The following LHFPL3 variants were observed in gnomAD, a reference collection of about 807,000 sequenced individuals.
LHFPL3 encodes the protein LHFPL tetraspan subfamily member 3 protein.
A neutral mutation model predicts 19.3 loss-of-function variants in LHFPL3; 5 were observed. That is an observed-to-expected ratio of 0.26 (90% CI 0.14 to 0.54). LHFPL3 has a LOEUF of 0.54. LHFPL3 is among the 20% of genes least tolerant of loss of function. LHFPL3 has a pLI of 0.94. For synonymous variants in LHFPL3, 133 were observed against 126.2 expected (o/e 1.05, Z -0.36); for missense variants, 249 against 307.4 (o/e 0.81, Z 1.42).
At chr7:104,491,331 T>A (rs1312932277) in intron 1 of LHFPL3, among the ~76,000 whole-genome samples, 1 of 152,064 alleles carries the variant, frequency 6.6e-6, no homozygotes, top group Non-Finnish European at 1.5e-5. Context: ...TATAGGTGTG[T>A]TCCCCCTCCC....
rs544082654 is a variant in LHFPL3, at chr7:104,329,141, C to T, written c.362C>T (p.Ala121Val). Residue 121 changes from alanine to valine, a missense_variant, in exon 1 of 3, where the codon GCC (alanine) becomes GTC (valine). Ala to Val is a moderately conservative substitution (Grantham distance 64, BLOSUM62 0). Transcript: ENST00000424859. Reference protein sequence around the residue: ...FIGLSMMLIIACIICFTLFFF... With the variant: ...FIGLSMMLIIVCIICFTLFFF... ...GGCCTCTCCATGATGCTCATCATTG[C>T]CTGCATCATTTGCTTTACCCTCTTC... is the stretch of plus-strand genomic sequence containing the variant. 6.2e-6 allele frequency: 10 copies of T among 1,614,062 alleles called. No homozygotes were observed. In the South Asian group the frequency reaches 6.6e-5, roughly 11 times the overall value.
intron 1 of LHFPL3, among the ~76,000 whole-genome samples, chr7:104,497,309 GAAAA>G (rs34908934): frequency 1.0e-5 from 1 of 96,690 alleles, no homozygotes; most frequent in Non-Finnish European, 2.3e-5. Context: ...TTGAGAAAAG[GAAAA>G]AAAAAAAAAA....
At chr7:104,838,647 C>T (rs1409537898) in intron 2 of LHFPL3, among the ~76,000 whole-genome samples, 2 of 152,174 alleles carry the variant, frequency 1.3e-5, no homozygotes, top group African/African-American at 4.8e-5. Context: ...AAAGCAGCAC[C>T]GTCTTGCAAA....
At chr7:104,401,082 G>C (rs973646340) in intron 1 of LHFPL3, among the ~76,000 whole-genome samples, 2 of 152,184 alleles carry the variant, frequency 1.3e-5, no homozygotes, top group African/African-American at 4.8e-5. Context: ...CTGGCCCTGG[G>C]GGTGGCTCTT....
intron 2 of LHFPL3, among the ~76,000 whole-genome samples, chr7:104,765,713 G>C (rs1794445745): frequency 6.6e-6 from 1 of 152,224 alleles, no homozygotes; most frequent in Non-Finnish European, 1.5e-5. Flanking sequence ...TTTCTCCCAT[G>C]ATGACCTTGT....
chr7:104,844,257 G>T (rs899354912), intron 2 of LHFPL3, among the ~76,000 whole-genome samples: 1 of 152,238 alleles, frequency 6.6e-6, no homozygotes, highest in Non-Finnish European at 1.5e-5. Context: ...CCTTTCAGCA[G>T]TTCTCTGTGA....
At chr7:104,811,180 C>T (rs1002359688) in intron 2 of LHFPL3, among the ~76,000 whole-genome samples, 21 of 139,588 alleles carry the variant, frequency 1.5e-4, no homozygotes, top group Non-Finnish European at 2.2e-4. Flanking sequence ...CTTTTCTTTT[C>T]TTTTCTTTTC....
chr7:104,335,637 C>T (rs1056376773), intron 1 of LHFPL3, among the ~76,000 whole-genome samples: 1 of 151,806 alleles, frequency 6.6e-6, no homozygotes, highest in African/African-American at 2.4e-5. Flanking sequence ...AACAAGTTTC[C>T]CACTGTAAAA....
intron 1 of LHFPL3, among the ~76,000 whole-genome samples, chr7:104,470,774 T>C (rs6970790): frequency 0.089 from 13,497 of 152,222 alleles, 941 homozygotes; most frequent in African/African-American, 0.2. Context: ...CATGACTACA[T>C]GTAGGAGCCT....
chr7:104,510,498 A>C (rs1793788913), intron 1 of LHFPL3, among the ~76,000 whole-genome samples: 1 of 152,264 alleles, frequency 6.6e-6, no homozygotes, highest in Admixed American at 6.5e-5. Context: ...TAGGCATAAA[A>C]ATGAATCTTG....
chr7:104,724,630 G>A (rs1301693528), intron 1 of LHFPL3, among the ~76,000 whole-genome samples: 1 of 152,160 alleles, frequency 6.6e-6, no homozygotes, highest in African/African-American at 2.4e-5. Flanking sequence ...GGAGGAGGGA[G>A]AAGACCAGGA....
intron 2 of LHFPL3, among the ~76,000 whole-genome samples, chr7:104,860,568 C>G (rs180811877): frequency 6.6e-6 from 1 of 152,330 alleles, no homozygotes; most frequent in African/African-American, 2.4e-5. Context: ...CATACTACCC[C>G]CATCTTGCAG....
At chr7:104,830,300 T>G (rs1006636779) in intron 2 of LHFPL3, among the ~76,000 whole-genome samples, 3 of 151,928 alleles carry the variant, frequency 2.0e-5, no homozygotes, top group African/African-American at 7.3e-5. Flanking sequence ...ACTCTGATGG[T>G]AGTTTCTTTT....
At chr7:104,787,166 C>T (rs966015120) in intron 2 of LHFPL3, among the ~76,000 whole-genome samples, 1 of 152,206 alleles carries the variant, frequency 6.6e-6, no homozygotes, top group Non-Finnish European at 1.5e-5. Flanking sequence ...ACTGAAGCCC[C>T]ATGTTATTCA....
chr7:104,637,791 G>T (rs1434865073), intron 1 of LHFPL3, among the ~76,000 whole-genome samples: 2 of 132,454 alleles, frequency 1.5e-5, no homozygotes, highest in African/African-American at 5.6e-5. Flanking sequence ...TAGCCCTTTA[G>T]TATAGTTTGA....
chr7:104,674,374 T>G (rs1455124488), intron 1 of LHFPL3, among the ~76,000 whole-genome samples: 1 of 133,916 alleles, frequency 7.5e-6, no homozygotes, highest in Non-Finnish European at 1.6e-5. Context: ...TTCTTTTTCT[T>G]TTTTTTTTTT....
chr7:104,343,035 A>G (rs767925595), intron 1 of LHFPL3, among the ~76,000 whole-genome samples: 5 of 151,394 alleles, frequency 3.3e-5, no homozygotes, highest in Non-Finnish European at 5.9e-5. Context: ...AAAACCAAAC[A>G]AATGATTGTG....
intron 2 of LHFPL3, among the ~76,000 whole-genome samples, chr7:104,850,427 A>T (rs1226652225): frequency 2.6e-5 from 4 of 152,154 alleles, no homozygotes; most frequent in Non-Finnish European, 4.4e-5. Context: ...TTTGCTTCTG[A>T]GCCTGCTTCT....
chr7:104,623,060 A>ATATC (rs1412915846), intron 1 of LHFPL3: 1 of 322,148 alleles, frequency 3.1e-6, no homozygotes. Context: ...TCATGTATTC[A>ATATC]TTATTTCTAT....
Sources: gnomAD v4.1 joint callset for allele counts (sites outside exome capture counted in the v4.1 genomes callset) on GRCh38, gnomAD v4.1.1 for gene constraint, MANE v1.5 for transcripts, NCBI Gene and HGNC (gene_info 2026-07-23, HGNC 2026-07-21) for gene names.